The following ESRRG variants were observed in gnomAD, a reference collection of about 807,000 sequenced individuals.
ESRRG encodes estrogen-related receptor gamma.
Under a neutral mutation model 44.0 loss-of-function variants are expected in ESRRG, and 13 were observed. The observed-to-expected ratio is 0.30, with a 90% CI of 0.19 to 0.47. The LOEUF is 0.47. Among genes scored for constraint, ESRRG ranks in the 20% least tolerant of loss-of-function variants. ESRRG has a pLI of 1.00. For synonymous variants in ESRRG, 215 were observed against 214.6 expected (o/e 1.00, Z -0.02); for missense variants, 395 against 580.6 (o/e 0.68, Z 3.29).
intron 6 of ESRRG, among the ~76,000 whole-genome samples, chr1:216,518,074 A>C (rs2044913640): frequency 6.6e-6 from 1 of 152,182 alleles, no homozygotes; most frequent in South Asian, 2.1e-4. Context: ...ATTTGGGCAG[A>C]AGGTCTCATC....
intron 1 of ESRRG, among the ~76,000 whole-genome samples, chr1:216,995,318 T>C (rs12043713): frequency 0.35 from 52,544 of 152,154 alleles, 10,732 homozygotes; most frequent in Non-Finnish European, 0.47. Flanking sequence ...CCGTTGCCTA[T>C]CTGTGGTTTT....
At chr1:216,516,713 G>T (rs766123708) in intron 6 of ESRRG, among the ~76,000 whole-genome samples, 1 of 146,164 alleles carries the variant, frequency 6.8e-6, no homozygotes, top group Non-Finnish European at 1.5e-5. Context: ...GCCCTTTAGG[G>T]TGTCTAAAGT....
At chr1:216,761,469 A>T (rs573317717) in intron 2 of ESRRG, among the ~76,000 whole-genome samples, 139 of 152,228 alleles carry the variant, frequency 9.1e-4, no homozygotes, top group African/African-American at 3.3e-3. Flanking sequence ...TGCATAAATG[A>T]TCCATAATTT....
At chr1:216,830,086 C>A (rs139852585) in intron 2 of ESRRG, among the ~76,000 whole-genome samples, 1 of 152,288 alleles carries the variant, frequency 6.6e-6, no homozygotes, top group East Asian at 1.9e-4. Flanking sequence ...CCTGCTGAAA[C>A]TTTTAATGCG....
intron 1 of ESRRG, among the ~76,000 whole-genome samples, chr1:217,035,596 T>G (rs1022750833): frequency 6.6e-6 from 1 of 151,616 alleles, no homozygotes; most frequent in East Asian, 1.9e-4. Flanking sequence ...AAAAAGTTAC[T>G]AGGCCCTGCG....
chr1:217,072,617 T>C (rs938053137), intron 1 of ESRRG, among the ~76,000 whole-genome samples: 1 of 152,206 alleles, frequency 6.6e-6, no homozygotes, highest in Non-Finnish European at 1.5e-5. Context: ...AATTTTGAAA[T>C]TACAGCTTCA....
intron 2 of ESRRG, among the ~76,000 whole-genome samples, chr1:216,874,655 A>C (rs747169230): frequency 5.3e-5 from 8 of 151,786 alleles, no homozygotes; most frequent in Non-Finnish European, 1.2e-4. Flanking sequence ...TTGAGTGCCA[A>C]CTCGATTTGA....
intron 5 of ESRRG, among the ~76,000 whole-genome samples, chr1:216,550,346 G>A (rs1013665619): frequency 3.9e-5 from 6 of 152,122 alleles, no homozygotes; most frequent in African/African-American, 1.4e-4. Context: ...CTTATTAGAC[G>A]GAGATTACTA....
intron 2 of ESRRG, among the ~76,000 whole-genome samples, chr1:216,828,953 C>T (rs1296482428): frequency 6.6e-6 from 1 of 152,136 alleles, no homozygotes; most frequent in East Asian, 1.9e-4. Flanking sequence ...TTAGGGATAT[C>T]TTATTATGTG....
At chr1:217,112,817 A>G (rs2102466522) in intron 1 of ESRRG, among the ~76,000 whole-genome samples, 1 of 152,358 alleles carries the variant, frequency 6.6e-6, no homozygotes, top group Middle Eastern at 3.4e-3. Context: ...GATGCCCCAC[A>G]GAAACTTTCA....
intron 2 of ESRRG, among the ~76,000 whole-genome samples, chr1:216,763,198 T>C (rs1310053207): frequency 2.0e-5 from 3 of 152,172 alleles, no homozygotes; most frequent in Non-Finnish European, 4.4e-5. Context: ...TTCTTAAATG[T>C]ATTAGATATA....
At position 216,506,268 on chromosome 1, in the gene ESRRG, T is replaced by C. The variant is rs1571879795; in HGVS notation, c.*671A>G. 2 of 190,138 alleles carry C rather than the reference T, an allele frequency of 1.1e-5. No individual in the cohort carries two copies. Among genetic ancestry groups the C allele is most frequent in the East Asian group, 2.7e-4 (2 of 7,276 alleles). The allele number at this position is 190,138 out of a possible 1,614,324, so 11.8% of individuals were successfully genotyped here. On this transcript the variant is annotated 3_prime_UTR_variant, in exon 7 of 7. Coordinates refer to ENST00000408911, the MANE Select transcript of ESRRG (RefSeq NM_001438.4). ...TGCACTGTACTTTTAGGAACGTTGG[T>C]TCTCTCTCTTTGATTCCTTAGTCAT...
At chr1:216,651,357 T>C (rs772096934) in intron 2 of ESRRG, among the ~76,000 whole-genome samples, 1 of 152,170 alleles carries the variant, frequency 6.6e-6, no homozygotes, top group Non-Finnish European at 1.5e-5. Flanking sequence ...AGTCCACCCA[T>C]GCAAAGTAAG....
chr1:216,655,394 A>C (rs1363605297), intron 2 of ESRRG, among the ~76,000 whole-genome samples: 1 of 152,186 alleles, frequency 6.6e-6, no homozygotes, highest in African/African-American at 2.4e-5. Context: ...TCCCACAAAC[A>C]CAGGAATTAT....
chr1:216,881,836 A>T (rs983949304), intron 2 of ESRRG, among the ~76,000 whole-genome samples: 9 of 152,318 alleles, frequency 5.9e-5, no homozygotes, highest in Non-Finnish European at 1.2e-4. Flanking sequence ...AATAGGAAAG[A>T]TGTGTTGTGA....
At chr1:216,554,364 G>T (rs981847104) in intron 5 of ESRRG, among the ~76,000 whole-genome samples, 3 of 151,752 alleles carry the variant, frequency 2.0e-5, no homozygotes, top group African/African-American at 7.3e-5. Context: ...TGAGGCAGGA[G>T]AATCCTTTGA....
At chr1:216,735,272 G>C (rs1311110305) in intron 2 of ESRRG, among the ~76,000 whole-genome samples, 1 of 151,520 alleles carries the variant, frequency 6.6e-6, no homozygotes, top group Non-Finnish European at 1.5e-5. Context: ...GCAGTGATGA[G>C]ATCATAGCTC....
At chr1:216,802,178 G>C (rs1259820368) in intron 2 of ESRRG, among the ~76,000 whole-genome samples, 2 of 152,070 alleles carry the variant, frequency 1.3e-5, no homozygotes, top group African/African-American at 4.8e-5. Context: ...AAGCCTGAGG[G>C]GTGCTTTTTT....
intron 3 of ESRRG, among the ~76,000 whole-genome samples, chr1:216,589,814 G>C (rs778501686): frequency 7.0e-6 from 1 of 142,222 alleles, no homozygotes; most frequent in African/African-American, 2.6e-5. Flanking sequence ...TGAGGCAGAA[G>C]AATTGCTTGA....
Sources: gnomAD v4.1 joint callset for allele counts (sites outside exome capture counted in the v4.1 genomes callset) on GRCh38, gnomAD v4.1.1 for gene constraint, MANE v1.5 for transcripts, NCBI Gene and HGNC (gene_info 2026-07-23, HGNC 2026-07-21) for gene names.